Variants in RBM6 observed in about 807,000 individuals in gnomAD.
RBM6 encodes RNA-binding protein 6.
RBM6 carries 23 observed loss-of-function variants against 140.4 expected under a neutral mutation model. The ratio of observed to expected loss-of-function variants is 0.16; its 90% CI spans 0.12 to 0.23. RBM6 has a LOEUF of 0.23. RBM6 is among the 10% of genes least tolerant of loss of function. RBM6 has a pLI of 1.00. For synonymous variants in RBM6, 439 were observed against 475.6 expected, an observed-to-expected ratio of 0.92 and a Z score of 1.00; for missense variants, 1,139 against 1,386.7, an observed-to-expected ratio of 0.82 and a Z score of 2.84.
At chr3:50,011,101 C>A (rs562848458) in intron 6 of RBM6, among the ~76,000 whole-genome samples, 5 of 151,682 alleles carry the variant, frequency 3.3e-5, no homozygotes, top group South Asian at 2.1e-4. Flanking sequence ...GTGGCTGATG[C>A]CTGTAGTTTC....
chr3:49,987,211 A>G (rs2085604910), intron 5 of RBM6, among the ~76,000 whole-genome samples: 1 of 151,210 alleles, frequency 6.6e-6, no homozygotes, highest in Non-Finnish European at 1.5e-5. Flanking sequence ...TAGCCTCCCA[A>G]AGTGCTGGGA....
intron 1 of RBM6, among the ~76,000 whole-genome samples, chr3:49,962,150 T>TAAAAAAAAAAAAAAAAAAA (rs66697775): frequency 8.9e-6 from 1 of 112,458 alleles, no homozygotes. Flanking sequence ...CTCCATCTCT[T>TAAAAAAAAAAAAAAAAAAA]AAAAAAAAAA....
At chr3:50,053,191 A>G (rs1445969112) in intron 7 of RBM6, among the ~76,000 whole-genome samples, 2 of 152,180 alleles carry the variant, frequency 1.3e-5, no homozygotes, top group African/African-American at 2.4e-5. Context: ...GTCAGGATCA[A>G]TAAGTGATGA....
intron 10 of RBM6, 117 bp downstream of exon 10, chr3:50,058,679 C>T: frequency 1.9e-6 from 2 of 1,056,446 alleles, no homozygotes; most frequent in Non-Finnish European, 2.7e-6. Flanking sequence ...CTTTGGGAGG[C>T]CGAGGTGGGT....
intron 18 of RBM6, among the ~76,000 whole-genome samples, 185 bp from the exon 19 acceptor site, chr3:50,070,270 G>A (rs1222801846): frequency 1.3e-5 from 2 of 152,078 alleles, no homozygotes; most frequent in African/African-American, 2.4e-5. Context: ...CAGGAGAATC[G>A]CTTGAACCTG....
Position 50,075,110 on chromosome 3 carries a change from C to G in RBM6, c.3117-91C>G, listed in dbSNP as rs893690157. On this transcript the variant is annotated intron_variant, in intron 19 of 20. Transcript: ENST00000266022. Reference sequence around the variant, plus strand: ...GGCAGAGGTTGCAGTAAGCTGAGTTCGAGCCATTGCACTCCAGCCTGGGCA... The same window carrying G: ...GGCAGAGGTTGCAGTAAGCTGAGTTGGAGCCATTGCACTCCAGCCTGGGCA... 2.8e-6 allele frequency: 4 copies of G among 1,442,698 alleles called. No homozygotes were observed. The East Asian group carries it at 7.3e-5, about 26-fold the overall frequency. The allele number at this position is 1,442,698 out of a possible 1,614,324, so 89.4% of individuals were successfully genotyped here. A position where few individuals can be genotyped will look rare whatever the true frequency, so the allele number is the denominator to read the frequency against.
In RBM6 at chr3:50,065,055, A is replaced by C; in HGVS notation, c.2611A>C (p.Lys871Gln). ...GTTTCAGGAAAATGCCAGTGAAGGG[A>C]AGGCCCCTGCAGAAGACGTCTTTAA... ...TRFQENASEG[K>Q]APAEDVFKKP... Residue 871 changes from lysine to glutamine, a missense_variant, in exon 16 of 21, where the codon AAG (lysine) becomes CAG (glutamine). Around this residue, in one of 9 missense-constraint regions of RBM6, gnomAD observed 163 missense variants for 182.8 expected, o/e 0.89. Coordinates refer to ENST00000266022, the MANE Select transcript of RBM6 (RefSeq NM_005777.3). 1 of 1,613,574 alleles carries C rather than the reference A, an allele frequency of 6.2e-7. No individual in the cohort carries two copies. The highest frequency in any genetic ancestry group is 1.1e-5 in the South Asian group (1 of 91,046).
intron 5 of RBM6, among the ~76,000 whole-genome samples, chr3:49,979,438 GTTTT>G (rs35205938): frequency 8.0e-6 from 1 of 124,572 alleles, no homozygotes; most frequent in Non-Finnish European, 1.7e-5. Context: ...TGCTTACTTT[GTTTT>G]TTTTTTTTTT....
rs142614894 is a variant in RBM6, at chr3:49,982,001, A to G, written c.1483+6609A>G. On this transcript the variant is annotated intron_variant, in intron 5 of 20. Coordinates refer to ENST00000266022, the MANE Select transcript of RBM6 (RefSeq NM_005777.3). Reference sequence around the variant, plus strand: ...AACTGAAGTGCTACAGAATTACTTTAGTACTGGTTTATTAACTAATGTCAC... The same window carrying G: ...AACTGAAGTGCTACAGAATTACTTTGGTACTGGTTTATTAACTAATGTCAC... 5.3e-5 allele frequency among the ~76,000 whole-genome samples: 8 copies of G among 152,374 alleles called. No individual in the cohort carries two copies. In the East Asian group the frequency reaches 1.5e-3, roughly 29 times the overall value.
intron 18 of RBM6, 81 bp from the exon 19 acceptor site, chr3:50,070,374 T>C (rs1194383942): frequency 4.1e-6 from 4 of 983,710 alleles, no homozygotes; most frequent in African/African-American, 1.6e-5. Context: ...ATAATAATAA[T>C]AACAGCAATG....
intron 6 of RBM6, among the ~76,000 whole-genome samples, chr3:50,025,252 G>A (rs939024394): frequency 1.3e-4 from 19 of 151,594 alleles, no homozygotes; most frequent in African/African-American, 3.4e-4. Flanking sequence ...GCGAAACCCC[G>A]TCTTTTCTAA....
intron 7 of RBM6, chr3:50,053,970 T>A (rs2108897584): frequency 5.8e-6 from 1 of 172,348 alleles, no homozygotes. Context: ...AATGGGGATC[T>A]CATAGTCAGT....
chr3:50,046,832 A>T (rs2089249747), intron 6 of RBM6, among the ~76,000 whole-genome samples: 3 of 152,204 alleles, frequency 2.0e-5, no homozygotes, highest in Non-Finnish European at 4.4e-5. Flanking sequence ...TACAGCCCAG[A>T]TGTAAGTCCA....
At chr3:49,986,827 C>A (rs999135806) in intron 5 of RBM6, among the ~76,000 whole-genome samples, 1 of 149,894 alleles carries the variant, frequency 6.7e-6, no homozygotes, top group Non-Finnish European at 1.5e-5. Flanking sequence ...GCTCTGTTGC[C>A]CAGGATGGAG....
intron 7 of RBM6, among the ~76,000 whole-genome samples, chr3:50,052,915 A>T (rs1010187514): frequency 1.3e-5 from 2 of 152,042 alleles, no homozygotes; most frequent in East Asian, 3.9e-4. Context: ...CACATGGCCA[A>T]GGCTGACAAT....
At chr3:49,943,428 G>A (rs939567414) in intron 1 of RBM6, among the ~76,000 whole-genome samples, 1 of 152,008 alleles carries the variant, frequency 6.6e-6, no homozygotes, top group Non-Finnish European at 1.5e-5. Flanking sequence ...AGCTTCCTGA[G>A]TAGCTGGGAC....
At chr3:50,050,098 C>T (rs2089408676) in intron 7 of RBM6, among the ~76,000 whole-genome samples, 1 of 152,030 alleles carries the variant, frequency 6.6e-6, no homozygotes, top group Non-Finnish European at 1.5e-5. Flanking sequence ...ACCTCCTGTG[C>T]TCAAGCGATC....
At chr3:49,953,466 C>T (rs2083832578) in intron 1 of RBM6, among the ~76,000 whole-genome samples, 1 of 151,832 alleles carries the variant, frequency 6.6e-6, no homozygotes, top group Admixed American at 6.6e-5. Context: ...GATCTGCCCG[C>T]CTTGGCCTCC....
intron 6 of RBM6, among the ~76,000 whole-genome samples, chr3:50,041,511 A>G (rs926373508): frequency 6.6e-6 from 1 of 152,214 alleles, no homozygotes; most frequent in Non-Finnish European, 1.5e-5. Flanking sequence ...TGTACCATAA[A>G]GAATGAGCCT....
Sources: allele counts gnomAD v4.1 joint callset (sites outside exome capture counted in the v4.1 genomes callset), GRCh38; gene constraint gnomAD v4.1.1; regional missense constraint gnomAD v4.1.1; transcripts MANE v1.5; gene names NCBI Gene and HGNC (gene_info 2026-07-23, HGNC 2026-07-21).